TASP1: variants seen among roughly 807,000 people sequenced by gnomAD.
The protein encoded by TASP1 is threonine aspartase 1.
TASP1 carries 16 observed loss-of-function variants against 56.6 expected under a neutral mutation model. That is an observed-to-expected ratio of 0.28 (90% CI 0.19 to 0.43). TASP1 has a LOEUF of 0.43. TASP1 is among the 20% of genes least tolerant of loss of function. TASP1 has a pLI of 1.00. For missense variants in TASP1, 393 were observed against 511.6 expected, an observed-to-expected ratio of 0.77 and a Z score of 2.24; for synonymous variants, 179 against 184.2, an observed-to-expected ratio of 0.97 and a Z score of 0.23.
At chr20:13,492,294 T>C (rs765359973) in intron 10 of TASP1, among the ~76,000 whole-genome samples, 1 of 152,198 alleles carries the variant, frequency 6.6e-6, no homozygotes, top group Non-Finnish European at 1.5e-5. Context: ...TCCACAGGGA[T>C]AGATAACTAA....
chr20:13,521,967 C>T (rs2044778126), intron 10 of TASP1, among the ~76,000 whole-genome samples: 1 of 152,080 alleles, frequency 6.6e-6, no homozygotes, highest in South Asian at 2.1e-4. Flanking sequence ...ATCAAGGTGA[C>T]TCATTTGAAT....
intron 4 of TASP1, among the ~76,000 whole-genome samples, chr20:13,603,012 C>G (rs1267380886): frequency 6.6e-6 from 1 of 151,920 alleles, no homozygotes; most frequent in Non-Finnish European, 1.5e-5. Context: ...AGGTGGATCA[C>G]CTGAGGTCAG....
At chr20:13,479,274 A>G (rs1725528353) in intron 11 of TASP1, among the ~76,000 whole-genome samples, 1 of 152,130 alleles carries the variant, frequency 6.6e-6, no homozygotes, top group Admixed American at 6.6e-5. Flanking sequence ...ATATTTTTTT[A>G]AAAAGAAAAA....
At chr20:13,416,583 G>C (rs1289248407) in intron 13 of TASP1, among the ~76,000 whole-genome samples, 1 of 152,160 alleles carries the variant, frequency 6.6e-6, no homozygotes, top group Non-Finnish European at 1.5e-5. Context: ...ATCTGTAACA[G>C]ACTGCTCATA....
downstream of TASP1, among the ~76,000 whole-genome samples, chr20:13,388,363 C>T (rs1056167453): frequency 2.0e-5 from 3 of 151,968 alleles, no homozygotes; most frequent in African/African-American, 7.3e-5. Context: ...CTGAATATCA[C>T]TATGTTCCCC....
rs1314847655 is a variant in TASP1 at position 13,559,065 on chromosome 20, T to A, written c.618A>T (p.Ala206=). The A allele has an allele frequency of 1.9e-6, 3 of 1,596,108 alleles. No individual in the cohort carries two copies. The highest frequency in any genetic ancestry group is 1.7e-5 in the Admixed American group (1 of 58,614). ...GCATAAAATCTGTGTCCACCCTTTC[T>A]GCCAGCTCTAGTTTCCTCTTGTTTC... ...FKRNKRKLEL[A]ERVDTDFMQL... The change falls in exon 8 of 14, where the codon GCA becomes GCT. Residue 206 remains alanine (A), a synonymous_variant. Coordinates refer to ENST00000337743, the MANE Select transcript of TASP1 (RefSeq NM_017714.3).
chr20:13,620,936 T>C (rs2048692765), intron 4 of TASP1, among the ~76,000 whole-genome samples: 1 of 152,130 alleles, frequency 6.6e-6, no homozygotes, highest in South Asian at 2.1e-4. Context: ...AGGTAATGAA[T>C]CACAATTATT....
chr20:13,247,520 GTGTGT>G, the TASP1 span, among the ~76,000 whole-genome samples: 469 of 85,348 alleles, frequency 5.5e-3, no homozygotes, highest in Middle Eastern at 0.014. Flanking sequence ...AGTGAGGGGT[GTGTGT>G]GTGTGTGTGT....
chr20:13,425,760 CTG>C (rs762409001), intron 12 of TASP1, among the ~76,000 whole-genome samples: 1 of 152,058 alleles, frequency 6.6e-6, no homozygotes. Context: ...CCTCTTATCA[CTG>C]TAGATTTTTG....
chr20:13,305,336 G>A, the TASP1 span, among the ~76,000 whole-genome samples: 4 of 151,828 alleles, frequency 2.6e-5, no homozygotes, highest in Admixed American at 6.6e-5. Context: ...CTACAGACCC[G>A]TACTACTCTG....
the TASP1 span, among the ~76,000 whole-genome samples, chr20:13,114,410 T>G: frequency 6.6e-6 from 1 of 152,210 alleles, no homozygotes; most frequent in South Asian, 2.1e-4. Context: ...AAAATATCCT[T>G]GAGGTGTGGT....
intron 8 of TASP1, among the ~76,000 whole-genome samples, chr20:13,554,355 T>C (rs189980192): frequency 6.6e-6 from 1 of 152,326 alleles, no homozygotes; most frequent in East Asian, 1.9e-4. Flanking sequence ...TAATAATTCT[T>C]ACTTTAAACT....
the TASP1 span, among the ~76,000 whole-genome samples, chr20:13,327,195 T>G: frequency 6.6e-6 from 1 of 152,120 alleles, no homozygotes; most frequent in African/African-American, 2.4e-5. Flanking sequence ...AAATCATGAA[T>G]GAACTCCCAT....
At chr20:13,501,230 TTAGG>T (rs1489779058) in intron 10 of TASP1, among the ~76,000 whole-genome samples, 1 of 151,950 alleles carries the variant, frequency 6.6e-6, no homozygotes, top group African/African-American at 2.4e-5. Flanking sequence ...GGGCATTTGT[TTAGG>T]TTAAGGAAAA....
chr20:13,548,819 C>A (rs952131292), intron 8 of TASP1, among the ~76,000 whole-genome samples: 3 of 152,116 alleles, frequency 2.0e-5, no homozygotes, highest in Admixed American at 6.6e-5. Flanking sequence ...TTAGGAAGAA[C>A]AAGCAATGAT....
chr20:13,328,710 T>A, the TASP1 span, among the ~76,000 whole-genome samples: 2 of 149,100 alleles, frequency 1.3e-5, no homozygotes, highest in Non-Finnish European at 2.9e-5. Flanking sequence ...CAGGAACAGA[T>A]AACCAAACAC....
At chr20:13,483,463 G>T in intron 10 of TASP1, 126 bp from the exon 11 acceptor site, 1 of 536,222 alleles carries the variant, frequency 1.9e-6, no homozygotes, top group Non-Finnish European at 3.1e-6. Context: ...AATTCCGTGA[G>T]GGATGAAATG....
chr20:13,176,530 G>T, the TASP1 span, among the ~76,000 whole-genome samples: 13 of 152,098 alleles, frequency 8.5e-5, no homozygotes, highest in African/African-American at 3.1e-4. Flanking sequence ...TGCATATGCT[G>T]AACCATCTTT....
At chr20:13,541,068 C>A (rs554049651) in intron 8 of TASP1, among the ~76,000 whole-genome samples, 62 of 152,132 alleles carry the variant, frequency 4.1e-4, no homozygotes, top group African/African-American at 1.4e-3. Context: ...AGAGACATGG[C>A]TCAAAGTCTA....
Sources: gnomAD v4.1 joint callset for allele counts (sites outside exome capture counted in the v4.1 genomes callset) on GRCh38, gnomAD v4.1.1 for gene constraint, MANE v1.5 for transcripts, NCBI Gene and HGNC (gene_info 2026-07-23, HGNC 2026-07-21) for gene names.